Variants in RAPGEF2 observed in about 807,000 individuals in gnomAD.
RAPGEF2 encodes PDZ domain containing guanine nucleotide exchange factor (GEF) 1.
In RAPGEF2, 54 loss-of-function variants were observed where a neutral mutation model predicts 186.7. The ratio of observed to expected loss-of-function variants is 0.29; its 90% CI spans 0.23 to 0.36. The LOEUF (loss-of-function observed/expected upper bound fraction) is 0.36, where lower values mean the gene tolerates loss of function less well. Ranked by LOEUF, RAPGEF2 falls within the 10% of genes least tolerant of loss-of-function variation. The pLI is 1.00. For synonymous variants in RAPGEF2, 712 were observed against 705.9 expected (o/e 1.01, Z -0.14); for missense variants, 1,532 against 2,045.0 (o/e 0.75, Z 4.84).
At chr4:159,325,164 T>TC (rs1418901240) in intron 11 of RAPGEF2, among the ~76,000 whole-genome samples, 4 of 152,008 alleles carry the variant, frequency 2.6e-5, no homozygotes, top group African/African-American at 9.6e-5. Context: ...GCTAATTCCG[T>TC]CCATGAGCAC....
intron 26 of RAPGEF2, 91 bp from the exon 27 acceptor site, chr4:159,352,594 C>T (rs1580068188): frequency 2.0e-6 from 2 of 1,019,878 alleles, no homozygotes; most frequent in East Asian, 2.4e-5. Flanking sequence ...ATATCTATGC[C>T]TGCATTTTAT....
At chr4:159,339,084 A>G in intron 18 of RAPGEF2, 30 bp from the exon 19 acceptor site, 1 of 1,605,906 alleles carries the variant, frequency 6.2e-7, no homozygotes, top group Non-Finnish European at 8.5e-7. Flanking sequence ...AATTCTTTCT[A>G]CTTATGTGTG....
At position 159,161,548 on chromosome 4, in the gene RAPGEF2, AC is replaced by A. The variant is rs1744706658; in HGVS notation, c.70-25093del. 2.0e-5 allele frequency among the ~76,000 whole-genome samples: 3 copies of A among 152,068 alleles called. No individual in the cohort carries two copies. The South Asian group carries it at 6.2e-4, about 32-fold the overall frequency. On this transcript the variant is annotated intron_variant, in intron 1 of 29. Coordinates refer to ENST00000691494, the MANE Select transcript of RAPGEF2 (RefSeq NM_001394067.2). ...GTGAAACCCTGTTTCTACCAAAAAT[AC>A]AAAAATTAGCCAGGTGTGGTGACAC... is the stretch of plus-strand genomic sequence containing the variant.
intron 1 of RAPGEF2, among the ~76,000 whole-genome samples, chr4:159,114,620 A>G (rs1236232221): frequency 5.3e-5 from 8 of 152,128 alleles, no homozygotes; most frequent in Admixed American, 2.6e-4. Context: ...TCAGTGTTTA[A>G]TGTTTCGTGA....
At chr4:159,149,836 T>A (rs1743341330) in intron 1 of RAPGEF2, among the ~76,000 whole-genome samples, 2 of 152,206 alleles carry the variant, frequency 1.3e-5, no homozygotes, top group African/African-American at 4.8e-5. Flanking sequence ...AGTGCAGCTA[T>A]AATCAGAAGT....
intron 7 of RAPGEF2, among the ~76,000 whole-genome samples, chr4:159,284,983 G>A (rs749283436): frequency 6.6e-6 from 1 of 152,174 alleles, no homozygotes; most frequent in Non-Finnish European, 1.5e-5. Flanking sequence ...AGCCCAGGAG[G>A]TTGAGACTGC....
rs545991368 is a variant in RAPGEF2, at chr4:159,261,227, A to AT, written c.543+17444dup. ...CAGGCACTGCCACCAAGACTGGCTAATTTTTTTTGTATTTTTAGTAGAGAT... is the reference window on the plus strand; with the variant it reads ...CAGGCACTGCCACCAAGACTGGCTAATTTTTTTTTGTATTTTTAGTAGAGAT... On this transcript the variant is annotated intron_variant, in intron 7 of 29. Transcript: ENST00000691494. Among the ~76,000 whole-genome samples the AT allele has an allele frequency of 4.2e-3, 641 of 151,472 alleles. 4 individuals carry two copies. The highest frequency in any genetic ancestry group is 0.014 in the African/African-American group (597 of 41,252).
chr4:159,350,324 A>T, intron 26 of RAPGEF2, 35 bp downstream of exon 26: 2 of 1,466,066 alleles, frequency 1.4e-6, no homozygotes, highest in Non-Finnish European at 1.8e-6. Context: ...TCTTGTATTG[A>T]AACCTATACA....
chr4:159,113,561 C>T (rs1299390733), intron 1 of RAPGEF2, among the ~76,000 whole-genome samples: 1 of 151,660 alleles, frequency 6.6e-6, no homozygotes, highest in East Asian at 1.9e-4. Flanking sequence ...GCCAACATGG[C>T]GAAACCCCTT....
chr4:159,302,243 A>G (rs143472036), intron 7 of RAPGEF2, among the ~76,000 whole-genome samples: 266 of 152,334 alleles, frequency 1.7e-3, no homozygotes, highest in African/African-American at 5.8e-3. Flanking sequence ...TAGTCAGGGA[A>G]GATGATGGAT....
At chr4:159,130,731 G>T (rs1299997019) in intron 1 of RAPGEF2, among the ~76,000 whole-genome samples, 1 of 151,746 alleles carries the variant, frequency 6.6e-6, no homozygotes, top group African/African-American at 2.4e-5. Context: ...TATTTTTTGG[G>T]ACAGGATGTT....
At chr4:159,222,145 G>A (rs1751607549) in intron 4 of RAPGEF2, among the ~76,000 whole-genome samples, 1 of 152,180 alleles carries the variant, frequency 6.6e-6, no homozygotes, top group Non-Finnish European at 1.5e-5. Flanking sequence ...ATTCCGATGT[G>A]ATACCTGATG....
intron 7 of RAPGEF2, among the ~76,000 whole-genome samples, chr4:159,262,921 A>T (rs900263759): frequency 1.3e-5 from 2 of 152,154 alleles, no homozygotes; most frequent in African/African-American, 4.8e-5. Flanking sequence ...ACTGAACATG[A>T]ACTCAACAGA....
chr4:159,257,985 A>G (rs1009989478), intron 7 of RAPGEF2, among the ~76,000 whole-genome samples: 2 of 152,256 alleles, frequency 1.3e-5, no homozygotes, highest in East Asian at 3.9e-4. Flanking sequence ...TAATGAGTGA[A>G]TGCCTTCCTG....
chr4:159,202,256 G>A (rs1749509264), intron 3 of RAPGEF2, among the ~76,000 whole-genome samples: 2 of 152,136 alleles, frequency 1.3e-5, no homozygotes, highest in Non-Finnish European at 2.9e-5. Flanking sequence ...TTCAGGCTTG[G>A]CCATATTGCA....
intron 1 of RAPGEF2, among the ~76,000 whole-genome samples, chr4:159,124,290 A>T (rs1740042025): frequency 6.6e-6 from 1 of 151,800 alleles, no homozygotes; most frequent in African/African-American, 2.4e-5. Flanking sequence ...CTGTAATACC[A>T]GCACTTTGGG....
At chr4:159,117,827 T>C (rs765379954) in intron 1 of RAPGEF2, among the ~76,000 whole-genome samples, 13 of 152,180 alleles carry the variant, frequency 8.5e-5, no homozygotes, top group Non-Finnish European at 1.8e-4. Flanking sequence ...CTATTTACTA[T>C]ACCAAGTAAG....
At chr4:159,164,440 T>A (rs1745083149) in intron 1 of RAPGEF2, among the ~76,000 whole-genome samples, 1 of 152,142 alleles carries the variant, frequency 6.6e-6, no homozygotes, top group Non-Finnish European at 1.5e-5. Flanking sequence ...TTGAAAATTC[T>A]ACTGTAGCAG....
intron 1 of RAPGEF2, among the ~76,000 whole-genome samples, chr4:159,169,922 A>C (rs747248117): frequency 3.3e-5 from 5 of 152,126 alleles, no homozygotes; most frequent in Non-Finnish European, 7.4e-5. Flanking sequence ...ATTTCCTTGA[A>C]TATATAGCCA....
Sources: gnomAD v4.1 joint callset for allele counts (sites outside exome capture counted in the v4.1 genomes callset) on GRCh38, gnomAD v4.1.1 for gene constraint, MANE v1.5 for transcripts, NCBI Gene and HGNC (gene_info 2026-07-23, HGNC 2026-07-21) for gene names.